FCMR: variants seen among roughly 807,000 people sequenced by gnomAD.
FCMR encodes Fc mu receptor.
Under a neutral mutation model 41.6 loss-of-function variants are expected in FCMR, and 34 were observed. The observed-to-expected ratio is 0.82, with a 90% CI of 0.62 to 1.09. The LOEUF (loss-of-function observed/expected upper bound fraction) is 1.09. Ranked by LOEUF, FCMR falls within the 50% of genes least tolerant of loss-of-function variation. The pLI is 0.00. For synonymous variants in FCMR, 209 were observed against 211.8 expected (o/e 0.99, Z 0.12); for missense variants, 496 against 512.5 (o/e 0.97, Z 0.31).
intron 7 of FCMR, chr1:206,907,595 T>C (rs1678721645): frequency 4.4e-6 from 3 of 685,912 alleles, no homozygotes; most frequent in Non-Finnish European, 8.2e-6. Context: ...CAAGGGATTT[T>C]CTTTTCCCAG....
At position 206,909,594 on chromosome 1, in the gene FCMR, C is replaced by G. The variant is rs1678828652; in HGVS notation, c.986-74G>C. On this transcript the variant is annotated intron_variant, in intron 6 of 7. Transcript: ENST00000367091. The surrounding 1 kb of genome is among the most constrained non-coding windows in gnomAD (Gnocchi z 5.0). ...CACCGTCATGCTACTACTCCCAGCT[C>G]CACCCCCGCCCCACTCCCAGCTCCA... 1 of 1,265,006 alleles carries G rather than the reference C, an allele frequency of 7.9e-7. No individual in the cohort carries two copies. Among genetic ancestry groups the G allele is most frequent in the Non-Finnish European group, 1.0e-6 (1 of 984,650 alleles). 78.4% of individuals were successfully genotyped at this position (1,265,006 alleles called of 1,614,324 possible).
At chr1:206,907,095 T>TGGGGG (rs1558645957) in intron 7 of FCMR, among the ~76,000 whole-genome samples, 4 of 12,094 alleles carry the variant, frequency 3.3e-4, no homozygotes, top group Non-Finnish European at 7.3e-4. Context: ...GGTGGGGGGG[T>TGGGGG]GGGGGGGTGG....
chr1:206,920,462 A>AAAT (rs1361118210), intron 1 of FCMR, among the ~76,000 whole-genome samples: 7 of 151,620 alleles, frequency 4.6e-5, no homozygotes, highest in Non-Finnish European at 1.0e-4. Flanking sequence ...CTCAAAAAAA[A>AAAT]AAAAAAAAAG....
At position 206,909,823 on chromosome 1, in the gene FCMR, AG is replaced by A. The variant is rs1412997190; in HGVS notation, c.886del (p.Leu296TrpfsTer65). The A allele has an allele frequency of 1.4e-6, 2 of 1,408,358 alleles. No homozygotes were observed. The highest frequency in any genetic ancestry group is 1.8e-6 in the Non-Finnish European group (2 of 1,088,046). The allele number at this position is 1,408,358 out of a possible 1,614,324, so 87.2% of individuals were successfully genotyped here. ...CCCGCGGGGCCTCTGGGAGCTCTCC[AG>A]GGCGCGCATCCTCACGGCCAGTCGG... ...ARRLAVRMRA[L>X]ESSQRPRGSP... On this transcript the variant is annotated frameshift_variant, in exon 6 of 8. Coordinates refer to ENST00000367091, the MANE Select transcript of FCMR (RefSeq NM_005449.5). LOFTEE classifies it high-confidence loss of function. The surrounding 1 kb of genome is among the most constrained non-coding windows in gnomAD (Gnocchi z 5.0).
intron 1 of FCMR, among the ~76,000 whole-genome samples, chr1:206,914,869 C>G (rs1176277166): frequency 1.3e-5 from 2 of 152,144 alleles, no homozygotes; most frequent in African/African-American, 4.8e-5. Context: ...GCCTCACCAC[C>G]AAACCCAAAC....
At chr1:206,916,194 C>T (rs1679183811) in intron 1 of FCMR, among the ~76,000 whole-genome samples, 1 of 152,196 alleles carries the variant, frequency 6.6e-6, no homozygotes, top group Non-Finnish European at 1.5e-5. Flanking sequence ...CACAACTAGA[C>T]ATTGCAATGG....
chr1:206,915,169 C>T (rs867683892), intron 1 of FCMR, among the ~76,000 whole-genome samples: 2 of 152,204 alleles, frequency 1.3e-5, no homozygotes, highest in African/African-American at 4.8e-5. Context: ...GCATCCCTCC[C>T]TCAGTCACAG....
intron 7 of FCMR, chr1:206,906,361 TG>T: frequency 4.8e-6 from 1 of 206,814 alleles, no homozygotes. Context: ...AGGCTGAGGA[TG>T]GGGAAGAGGA....
At position 206,921,941 on chromosome 1, in the gene FCMR, T is replaced by C; in HGVS notation, c.-87A>G. The C allele has an allele frequency of 8.2e-7, 1 of 1,223,150 alleles. No individual in the cohort carries two copies. The highest frequency in any genetic ancestry group is 1.2e-6 in the Non-Finnish European group (1 of 834,566). The allele number at this position is 1,223,150 out of a possible 1,614,324, so 75.8% of individuals were successfully genotyped here. Reference sequence around the variant, plus strand: ...GCTTACTCAGGAACCCTTCACAATCTGGAACTGGAAAGAGATTTCTAGCCC... The same window carrying C: ...GCTTACTCAGGAACCCTTCACAATCCGGAACTGGAAAGAGATTTCTAGCCC... On this transcript the variant is annotated 5_prime_UTR_variant, in exon 1 of 8. Coordinates refer to ENST00000367091, the MANE Select transcript of FCMR (RefSeq NM_005449.5).
intron 3 of FCMR, 24 bp from the exon 4 acceptor site, chr1:206,911,976 G>A (rs1223359283): frequency 6.3e-7 from 1 of 1,575,892 alleles, no homozygotes; most frequent in African/African-American, 1.4e-5. Context: ...CAGGAAAAAG[G>A]GATGTTCCTT....
Position 206,913,688 on chromosome 1 carries a change from T to C in FCMR, c.373+71A>G, listed in dbSNP as rs1412779944. On this transcript the variant is annotated intron_variant, in intron 2 of 7. Transcript: ENST00000367091. ...AGTCTAGGAGACTGTTACAGTTAGA[T>C]GGCTGTTCCAATCTTCCCAAGTGAA... The C allele has an allele frequency of 5.0e-6, 6 of 1,211,500 alleles. No homozygotes were observed. The African/African-American group carries it at 7.4e-5, about 15-fold the overall frequency. The allele number at this position is 1,211,500 out of a possible 1,614,324, so 75.0% of individuals were successfully genotyped here.
chr1:206,910,177 C>A, intron 5 of FCMR, 33 bp downstream of exon 5: 1 of 1,559,556 alleles, frequency 6.4e-7, no homozygotes, highest in Non-Finnish European at 8.6e-7. Context: ...CTTTGGGCAG[C>A]TCAGCTCTCC....
chr1:206,912,197 C>A (rs1171788227), intron 3 of FCMR, among the ~76,000 whole-genome samples: 1 of 152,166 alleles, frequency 6.6e-6, no homozygotes, highest in African/African-American at 2.4e-5. Context: ...GAAGAGCTTG[C>A]CCCCTCTGAG....
rs1350089038 is a variant in FCMR at position 206,910,330 on chromosome 1, AG to A, written c.720del (p.Tyr241MetfsTer15). On this transcript the variant is annotated frameshift_variant, in exon 5 of 8. Coordinates refer to ENST00000367091, the MANE Select transcript of FCMR (RefSeq NM_005449.5). LOFTEE classifies it high-confidence loss of function. ...HTRLHRQRAL[D>X]YGSQSGREGQ... ...CCTTCCCTCCCAGACTGTGAGCCAT[AG>A]TCCAGTGCTCTGGGGAGGGAAGGAA... The A allele has an allele frequency of 6.4e-7, 1 of 1,563,596 alleles. No homozygotes were observed. Among genetic ancestry groups the A allele is most frequent in the Admixed American group, 1.9e-5 (1 of 52,508 alleles).
intron 1 of FCMR, among the ~76,000 whole-genome samples, chr1:206,918,315 GC>G (rs1464928395): frequency 6.6e-6 from 1 of 152,092 alleles, no homozygotes; most frequent in Non-Finnish European, 1.5e-5. Flanking sequence ...ATCCTGGCTA[GC>G]CCAGGCCCTG....
At chr1:206,906,690 C>T (rs1241148298) in intron 7 of FCMR, among the ~76,000 whole-genome samples, 2 of 151,856 alleles carry the variant, frequency 1.3e-5, no homozygotes, top group African/African-American at 2.4e-5. Context: ...AGATTTTTGC[C>T]CCTAATAGTG....
chr1:206,909,769 ATGT>A lies in FCMR; in HGVS notation c.938_940del (p.Asn313del), dbSNP rs771490277. On this transcript the variant is annotated inframe_deletion, in exon 6 of 8. Transcript: ENST00000367091. This position sits in a 1 kb window ranked among gnomAD's most constrained non-coding sequence, Gnocchi z 5.0. ...AGCGCGCCGCGGGCAGGCGCTGTAG[ATGT>A]TGTTTTGGGAGCGCGGTCGCGGCGA... The A allele has an allele frequency of 1.3e-4, 196 of 1,464,940 alleles. No individual in the cohort carries two copies. In the African/African-American group the frequency reaches 2.6e-3, roughly 20 times the overall value. 90.7% of individuals were successfully genotyped at this position (1,464,940 alleles called of 1,614,324 possible). A position where few individuals can be genotyped will look rare whatever the true frequency, so the allele number is the denominator to read the frequency against.
intron 7 of FCMR, among the ~76,000 whole-genome samples, chr1:206,907,117 G>A (rs1678695916): frequency 2.6e-5 from 3 of 114,258 alleles, no homozygotes; most frequent in Non-Finnish European, 5.7e-5. Context: ...GGGGGGGTGG[G>A]GGCGGGGTGG....
intron 7 of FCMR, among the ~76,000 whole-genome samples, chr1:206,905,394 C>A (rs764871695): frequency 6.6e-6 from 1 of 152,142 alleles, no homozygotes; most frequent in South Asian, 2.1e-4. Context: ...AGAGTAAAAT[C>A]ATGTGGCTAA....
Sources: allele counts gnomAD v4.1 joint callset (sites outside exome capture counted in the v4.1 genomes callset), GRCh38; gene constraint gnomAD v4.1.1; non-coding constraint Gnocchi (gnomAD v3.1); transcripts MANE v1.5; gene names NCBI Gene and HGNC (gene_info 2026-07-23, HGNC 2026-07-21).